Variants in TEKT4 observed in about 807,000 individuals in gnomAD.
The protein encoded by TEKT4 is tektin-4.
TEKT4 carries 46 observed loss-of-function variants against 46.0 expected under a neutral mutation model. The ratio of observed to expected loss-of-function variants is 1.00; its 90% CI spans 0.79 to 1.28. TEKT4 has a LOEUF of 1.28. Ranked by LOEUF, TEKT4 falls within the 50% of genes most tolerant of loss-of-function variation. The pLI, the probability that TEKT4 is intolerant of heterozygous loss-of-function variation, is 0.00. For synonymous variants in TEKT4, 325 were observed against 265.8 expected, an observed-to-expected ratio of 1.22 and a Z score of -2.17; for missense variants, 790 against 622.9, an observed-to-expected ratio of 1.27 and a Z score of -2.85.
Position 94,871,689 on chromosome 2 carries a change from C to T in TEKT4, c.110C>T (p.Ser37Phe). The T allele has an allele frequency of 6.2e-7, 1 of 1,612,626 alleles. No individual in the cohort carries two copies. Among genetic ancestry groups the T allele is most frequent in the Non-Finnish European group, 8.5e-7 (1 of 1,179,926 alleles). The change falls in exon 1 of 6, where the codon TCC (serine) becomes TTC (phenylalanine). Residue 37 changes from serine (S) to phenylalanine (F), a missense_variant. Transcript: ENST00000295201. ...CTGGCCACCGCCAGCTTCCGCACCT[C>T]CAAGTACCTGCTGGAGGAGTGGTTC... The part of the protein sequence containing the change: ...SGLATASFRT[S>F]KYLLEEWFQN...
chr2:94,872,548 A>G (rs184610825), intron 1 of TEKT4: 145 of 322,884 alleles, frequency 4.5e-4, no homozygotes, highest in African/African-American at 1.7e-3. Context: ...CATGTCCCCT[A>G]TAACTTCCCA....
intron 1 of TEKT4, chr2:94,872,282 G>A (rs1425665100): frequency 3.1e-6 from 2 of 638,708 alleles, no homozygotes; most frequent in Non-Finnish European, 5.3e-6. Context: ...CCAAGCAGCT[G>A]TTTCTCCTCT....
At position 94,874,775 on chromosome 2, in the gene TEKT4, G is replaced by A. The variant is rs1553395801; in HGVS notation, c.714-1G>A. On this transcript the variant is annotated splice_acceptor_variant, in intron 3 of 5. Coordinates refer to ENST00000295201, the MANE Select transcript of TEKT4 (RefSeq NM_144705.4). LOFTEE classifies it high-confidence loss of function. ...TCTCCTGGCTGTCCCCCGCCCCGCA[G>A]CGCCTCCACCCCGGAGACCCGGGCC... 2.5e-6 allele frequency: 4 copies of A among 1,569,606 alleles called. No individual in the cohort carries two copies. Among genetic ancestry groups the A allele is most frequent in the Non-Finnish European group, 3.4e-6 (4 of 1,160,520 alleles).
In TEKT4 at chr2:94,871,996, C is replaced by T; in HGVS notation, c.417C>T (p.Ile139=). The change falls in exon 1 of 6, where the codon ATC becomes ATT. Residue 139 remains isoleucine, a synonymous_variant. Coordinates refer to ENST00000295201, the MANE Select transcript of TEKT4 (RefSeq NM_144705.4). ...ALDATEVPFS[I]TTDNLQCRER... ...ACGCCACAGAGGTGCCCTTCTCCAT[C>T]ACCACTGACAACCTGCAGTGCCGTG... 1 of 1,598,890 alleles carries T rather than the reference C, an allele frequency of 6.3e-7. No homozygotes were observed. The highest frequency in any genetic ancestry group is 8.5e-7 in the Non-Finnish European group (1 of 1,174,264).
intron 1 of TEKT4, chr2:94,873,089 T>C: frequency 8.0e-7 from 1 of 1,246,810 alleles, no homozygotes; most frequent in East Asian, 5.6e-5. Flanking sequence ...GTCCTTCTCC[T>C]GTTCTTGGTG....
intron 4 of TEKT4, among the ~76,000 whole-genome samples, chr2:94,875,279 T>A (rs1680792651): frequency 6.6e-6 from 1 of 152,174 alleles, no homozygotes; most frequent in South Asian, 2.1e-4. Flanking sequence ...GGCAGGGCTC[T>A]GAATCTAGGG....
chr2:94,873,957 C>T lies in TEKT4; in HGVS notation c.570-8C>T, dbSNP rs782338816. The T allele has an allele frequency of 2.0e-5, 33 of 1,613,516 alleles. No homozygotes were observed. Among genetic ancestry groups the T allele is most frequent in the East Asian group, 1.1e-4 (5 of 44,874 alleles). On this transcript the variant is annotated splice_region_variant and splice_polypyrimidine_tract_variant and intron_variant, in intron 2 of 5. Coordinates refer to ENST00000295201, the MANE Select transcript of TEKT4 (RefSeq NM_144705.4). ...CACACATCAAGGCCCTGCCCCACCC[C>T]GCCCCAGACTGAACCGGGAGCACAA...
At position 94,875,611 on chromosome 2, in the gene TEKT4, G is replaced by A. The variant is rs1230710429; in HGVS notation, c.960G>A (p.Gln320=). ...AGACACTGCGGGAAATCACAGATCA[G>A]GAACACAACGTGGCGGCACTGAAGC... The part of the protein sequence containing the change: ...LHKTLREITD[Q]EHNVAALKQA... The change falls in exon 5 of 6, where the codon CAG becomes CAA. Residue 320 remains glutamine, a synonymous_variant. Transcript: ENST00000295201. The A allele has an allele frequency of 6.2e-7, 1 of 1,614,158 alleles. No homozygotes were observed. Among genetic ancestry groups the A allele is most frequent in the Non-Finnish European group, 8.5e-7 (1 of 1,180,002 alleles).
At chr2:94,873,060 C>T in intron 1 of TEKT4, 1 of 1,276,676 alleles carries the variant, frequency 7.8e-7, no homozygotes, top group Non-Finnish European at 1.0e-6. Context: ...ACTGGCCAGG[C>T]AATAAGAAGA....
At chr2:94,875,100 C>G (rs1680781145) in intron 4 of TEKT4, 102 bp downstream of exon 4, 4 of 1,219,804 alleles carry the variant, frequency 3.3e-6, no homozygotes, top group Non-Finnish European at 4.5e-6. Context: ...ACCCCAGAAG[C>G]AAGTGTCTCC....
chr2:94,873,016 G>A (rs1269702183), intron 1 of TEKT4: 11 of 1,289,314 alleles, frequency 8.5e-6, no homozygotes, highest in East Asian at 5.5e-5. Context: ...CCCAATCACA[G>A]AGAAAAGGCT....
At chr2:94,873,496 T>A (rs782547276) in intron 1 of TEKT4, 24 bp from the exon 2 acceptor site, 1 of 1,611,932 alleles carries the variant, frequency 6.2e-7, no homozygotes. Flanking sequence ...CTGGCTCTGG[T>A]GCTCAGGGCG....
chr2:94,874,220 G>A lies in TEKT4; in HGVS notation c.713+112G>A, dbSNP rs1328774028. Reference sequence around the variant, plus strand: ...GCCTGGCCCGGAGGCCCTCGCCCCCGAGGGCACTTGGGCAACTGTCTGCCC... The same window carrying A: ...GCCTGGCCCGGAGGCCCTCGCCCCCAAGGGCACTTGGGCAACTGTCTGCCC... On this transcript the variant is annotated intron_variant, in intron 3 of 5. Transcript: ENST00000295201. 174 of 1,223,092 alleles carry A rather than the reference G, an allele frequency of 1.4e-4. No homozygotes were observed. The African/African-American group carries it at 2.1e-3, about 15-fold the overall frequency. 75.8% of individuals were successfully genotyped at this position (1,223,092 alleles called of 1,614,324 possible).
intron 3 of TEKT4, 118 bp from the exon 4 acceptor site, chr2:94,874,658 G>A (rs1269938895): frequency 1.4e-5 from 13 of 922,118 alleles, no homozygotes; most frequent in African/African-American, 3.3e-5. Context: ...GGGGTGCATC[G>A]GAGTCCATGC....
chr2:94,876,559 G>A lies in TEKT4; in HGVS notation c.1098G>A (p.Leu366=). The change falls in exon 6 of 6, where the codon TTG becomes TTA. Residue 366 remains leucine, a synonymous_variant. Transcript: ENST00000295201. Reference sequence around the variant, plus strand: ...ACCCCCCCAACACCCCCAGGCTGTTGAGTGAGGTGGAGGAGCTGAACATGT... The same window carrying A: ...ACCCCCCCAACACCCCCAGGCTGTTAAGTGAGGTGGAGGAGCTGAACATGT... ...LCRDAAQFRL[L]SEVEELNMSL... is the part of the protein sequence containing the mutation. 1.2e-6 allele frequency: 2 copies of A among 1,606,070 alleles called. No individual in the cohort carries two copies. Among genetic ancestry groups the A allele is most frequent in the South Asian group, 1.1e-5 (1 of 89,908 alleles).
intron 1 of TEKT4, 130 bp downstream of exon 1, chr2:94,872,207 C>T (rs564222551): frequency 8.0e-7 from 1 of 1,244,146 alleles, no homozygotes; most frequent in African/African-American, 1.5e-5. Flanking sequence ...ACGTGAGACC[C>T]CTGAGTCCCG....
Position 94,874,037 on chromosome 2 carries a change from G to A in TEKT4, c.642G>A (p.Glu214=), listed in dbSNP as rs143585686. ...AGATGGAGGCCTACAACATCGACGA[G>A]ACCTGCGGGCGCCACCACAGCCAGA... ...SDKMEAYNID[E]TCGRHHSQST... Residue 214 remains glutamate, a synonymous_variant, in exon 3 of 6, where the codon GAG becomes GAA. Coordinates refer to ENST00000295201, the MANE Select transcript of TEKT4 (RefSeq NM_144705.4). The A allele has an allele frequency of 3.1e-6, 5 of 1,613,676 alleles. No individual in the cohort carries two copies. The Admixed American group carries it at 8.3e-5, about 27-fold the overall frequency.
chr2:94,876,375 G>A (rs1462817825), intron 5 of TEKT4, among the ~76,000 whole-genome samples, 178 bp from the exon 6 acceptor site: 1 of 152,162 alleles, frequency 6.6e-6, no homozygotes, highest in Non-Finnish European at 1.5e-5. Flanking sequence ...CACGCTCCCT[G>A]GGAGGACCCT....
At chr2:94,872,499 G>A (rs79179636) in intron 1 of TEKT4, 17 of 316,486 alleles carry the variant, frequency 5.4e-5, no homozygotes, top group African/African-American at 1.5e-4. Flanking sequence ...ATACAGAGCC[G>A]GGGACACAAA....
Sources: gnomAD v4.1 joint callset for allele counts (sites outside exome capture counted in the v4.1 genomes callset) on GRCh38, gnomAD v4.1.1 for gene constraint, MANE v1.5 for transcripts, NCBI Gene and HGNC (gene_info 2026-07-23, HGNC 2026-07-21) for gene names.